SCUBE1: variants seen among roughly 807,000 people sequenced by gnomAD.
SCUBE1 encodes signal peptide, CUB and EGF-like domain-containing protein 1.
SCUBE1 carries 59 observed loss-of-function variants against 124.4 expected under a neutral mutation model. The ratio of observed to expected loss-of-function variants is 0.47; its 90% CI spans 0.38 to 0.59. The LOEUF (loss-of-function observed/expected upper bound fraction) is 0.59, where lower values mean the gene tolerates loss of function less well. Among genes scored for constraint, SCUBE1 ranks in the 20% least tolerant of loss-of-function variants. The probability of loss-of-function intolerance (pLI) is 0.00; values close to 1 mark genes in which losing one functional copy is unlikely to be tolerated. For synonymous variants in SCUBE1, 545 were observed against 550.9 expected (o/e 0.99, Z 0.15); for missense variants, 1,150 against 1,371.2 (o/e 0.84, Z 2.55).
intron 10 of SCUBE1, among the ~76,000 whole-genome samples, chr22:43,225,792 C>T (rs961184182): frequency 1.3e-5 from 2 of 152,034 alleles, no homozygotes; most frequent in African/African-American, 4.8e-5. Context: ...CGTAAACCTG[C>T]TCACCACAGA....
intron 2 of SCUBE1, among the ~76,000 whole-genome samples, chr22:43,336,522 TCTAA>T (rs1927086537): frequency 2.0e-5 from 3 of 152,090 alleles, no homozygotes; most frequent in Admixed American, 1.3e-4. Context: ...TAAAAGAACC[TCTAA>T]TTGAGGAGCT....
At chr22:43,218,057 G>A (rs558290817) in intron 15 of SCUBE1, among the ~76,000 whole-genome samples, 198 bp downstream of exon 15, 1 of 152,116 alleles carries the variant, frequency 6.6e-6, no homozygotes, top group Non-Finnish European at 1.5e-5. Context: ...TCACATGCCC[G>A]AGGCCCAGCA....
At chr22:43,217,069 C>CCGCCAGG (rs1921855118) in intron 15 of SCUBE1, among the ~76,000 whole-genome samples, 1 of 98,152 alleles carries the variant, frequency 1.0e-5, no homozygotes, top group Non-Finnish European at 2.0e-5. Context: ...CTTCCCCACC[C>CCGCCAGG]TGCCAGGTGT....
At chr22:43,298,182 A>G (rs180683574) in intron 3 of SCUBE1, among the ~76,000 whole-genome samples, 1 of 152,362 alleles carries the variant, frequency 6.6e-6, no homozygotes, top group East Asian at 1.9e-4. Context: ...TGGGTAAAAT[A>G]CACACGGGTC....
intron 4 of SCUBE1, among the ~76,000 whole-genome samples, chr22:43,280,421 T>C (rs117835324): frequency 0.08 from 4,067 of 50,994 alleles, 147 homozygotes; most frequent in African/African-American, 0.16. Context: ...CCCATCCTCC[T>C]GTCCCTTCCC....
chr22:43,328,463 G>A (rs933844916), intron 2 of SCUBE1, among the ~76,000 whole-genome samples: 3 of 152,146 alleles, frequency 2.0e-5, no homozygotes, highest in Non-Finnish European at 4.4e-5. Flanking sequence ...TGCTCCATAG[G>A]CCCAGCCACC....
chr22:43,219,721 A>G (rs960638140), intron 14 of SCUBE1, among the ~76,000 whole-genome samples: 1 of 151,746 alleles, frequency 6.6e-6, no homozygotes, highest in Non-Finnish European at 1.5e-5. Context: ...TGATCCACCC[A>G]CTTTGGCCCT....
intron 3 of SCUBE1, chr22:43,316,926 G>A: frequency 6.6e-6 from 1 of 152,150 alleles, no homozygotes; most frequent in Admixed American, 6.5e-5. Flanking sequence ...ACAAAAACAG[G>A]CAGGCAGGTC....
chr22:43,240,280 C>G (rs1028797835), intron 6 of SCUBE1, among the ~76,000 whole-genome samples: 3 of 152,310 alleles, frequency 2.0e-5, no homozygotes, highest in African/African-American at 7.2e-5. Context: ...CTCCTCAAAT[C>G]CTGGACCTCA....
rs531550303 is a variant in SCUBE1, at chr22:43,253,180, G to A, written c.727+5039C>T. ...CATACCTTGCCTCTATTAATACAACGTGGGGGGCACCACACCTCATCAGGA... is the reference window on the plus strand; with the variant it reads ...CATACCTTGCCTCTATTAATACAACATGGGGGGCACCACACCTCATCAGGA... On this transcript the variant is annotated intron_variant, in intron 6 of 21. Coordinates refer to ENST00000360835, the MANE Select transcript of SCUBE1 (RefSeq NM_173050.5). Among the ~76,000 whole-genome samples the A allele has an allele frequency of 5.9e-5, 9 of 152,282 alleles. No homozygotes were observed. In the South Asian group the frequency reaches 6.2e-4, roughly 11 times the overall value.
At chr22:43,333,531 T>C (rs966300099) in intron 2 of SCUBE1, among the ~76,000 whole-genome samples, 18 of 152,126 alleles carry the variant, frequency 1.2e-4, no homozygotes, top group African/African-American at 4.1e-4. Context: ...GCAGCAGAAG[T>C]TTCAAGGTGA....
At chr22:43,276,915 C>T (rs1601849333) in intron 4 of SCUBE1, among the ~76,000 whole-genome samples, 2 of 152,232 alleles carry the variant, frequency 1.3e-5, no homozygotes, top group South Asian at 4.1e-4. Flanking sequence ...AACTCCATGA[C>T]CTCGCCTCAG....
At chr22:43,268,733 G>T (rs534528464) in intron 4 of SCUBE1, among the ~76,000 whole-genome samples, 2 of 152,368 alleles carry the variant, frequency 1.3e-5, no homozygotes, top group East Asian at 3.9e-4. Flanking sequence ...GGGTGAGTGA[G>T]GTGCTGGCTA....
intron 4 of SCUBE1, among the ~76,000 whole-genome samples, chr22:43,280,771 ACCC>A (rs1924780776): frequency 1.0e-5 from 1 of 99,570 alleles, no homozygotes. Flanking sequence ...CTCATTGGCC[ACCC>A]TCCTGTCATC....
chr22:43,261,350 C>T (rs1923864085), intron 5 of SCUBE1, among the ~76,000 whole-genome samples: 1 of 152,194 alleles, frequency 6.6e-6, no homozygotes, highest in Non-Finnish European at 1.5e-5. Context: ...ATCTTGGCCA[C>T]CCCACAGGAA....
chr22:43,218,176 G>T, intron 15 of SCUBE1, 79 bp downstream of exon 15: 2 of 1,402,618 alleles, frequency 1.4e-6, no homozygotes, highest in Non-Finnish European at 1.0e-6. Flanking sequence ...TCTCACCTGC[G>T]TGCCCACCAC....
At chr22:43,233,230 G>A (rs1419949381) in intron 7 of SCUBE1, among the ~76,000 whole-genome samples, 3 of 152,198 alleles carry the variant, frequency 2.0e-5, no homozygotes, top group Admixed American at 1.3e-4. Flanking sequence ...TGGGCGTGGT[G>A]GCGCATGCCT....
At chr22:43,236,277 A>G (rs551090841) in intron 7 of SCUBE1, among the ~76,000 whole-genome samples, 191 of 152,296 alleles carry the variant, frequency 1.3e-3, no homozygotes, top group African/African-American at 4.3e-3. Flanking sequence ...GCTGGAGGCC[A>G]CCGTCTGGTT....
rs1032988668 is a variant in SCUBE1, at chr22:43,277,789, C to T, written c.484+13257G>A. 3.9e-5 allele frequency among the ~76,000 whole-genome samples: 6 copies of T among 152,216 alleles called. No homozygotes were observed. In the East Asian group the frequency reaches 5.8e-4, roughly 15 times the overall value. ...GATCTGGACCGGGCTCTACATGAGG[C>T]GATGTCTTGTATATACGATCTCATT... On this transcript the variant is annotated intron_variant, in intron 4 of 21. Coordinates refer to ENST00000360835, the MANE Select transcript of SCUBE1 (RefSeq NM_173050.5).
Sources: allele counts gnomAD v4.1 joint callset (sites outside exome capture counted in the v4.1 genomes callset), GRCh38; gene constraint gnomAD v4.1.1; transcripts MANE v1.5; gene names NCBI Gene and HGNC (gene_info 2026-07-23, HGNC 2026-07-21).